The following NCAM1 variants were observed in gnomAD, a reference collection of about 807,000 sequenced individuals.
NCAM1 encodes the protein antigen recognized by monoclonal antibody 5.1H11.
In NCAM1, 14 loss-of-function variants were observed where a neutral mutation model predicts 109.8. The ratio of observed to expected loss-of-function variants is 0.13; its 90% CI spans 0.08 to 0.20. The LOEUF (loss-of-function observed/expected upper bound fraction) is 0.20. Among genes scored for constraint, NCAM1 ranks in the 10% least tolerant of loss-of-function variants. The pLI is 1.00. For missense variants in NCAM1, 774 were observed against 1,109.9 expected (o/e 0.70, Z 4.30); for synonymous variants, 418 against 442.9 (o/e 0.94, Z 0.70).
chr11:113,103,186 T>C (rs182033575), intron 1 of NCAM1, among the ~76,000 whole-genome samples: 38 of 152,346 alleles, frequency 2.5e-4, no homozygotes, highest in Admixed American at 1.8e-3. Flanking sequence ...TTATTTATTC[T>C]ATTTCCCTAG....
intron 1 of NCAM1, among the ~76,000 whole-genome samples, chr11:112,989,241 T>A (rs998671137): frequency 6.6e-6 from 1 of 152,166 alleles, no homozygotes; most frequent in East Asian, 1.9e-4. Flanking sequence ...CCATAACTTG[T>A]ATATTTGTAT....
intron 1 of NCAM1, among the ~76,000 whole-genome samples, chr11:113,110,724 C>T (rs1237542339): frequency 1.3e-5 from 2 of 152,140 alleles, no homozygotes; most frequent in African/African-American, 4.8e-5. Context: ...TTTAAATTTT[C>T]TAAAACGAAA....
chr11:113,111,449 T>A (rs968384737), intron 1 of NCAM1, among the ~76,000 whole-genome samples: 1 of 152,174 alleles, frequency 6.6e-6, no homozygotes, highest in Admixed American at 6.5e-5. Flanking sequence ...GTATGTATGA[T>A]GTTTGAGAAT....
intron 1 of NCAM1, among the ~76,000 whole-genome samples, chr11:113,004,185 A>G: frequency 6.6e-6 from 1 of 152,310 alleles, no homozygotes; most frequent in East Asian, 1.9e-4. Flanking sequence ...TTACACACAC[A>G]TATATACACT....
rs1236576458 is a variant in NCAM1 at position 113,233,975 on chromosome 11, G to A, written c.1693+658G>A. On this transcript the variant is annotated intron_variant, in intron 13 of 19. Coordinates refer to ENST00000316851, the MANE Select transcript of NCAM1 (RefSeq NM_181351.5). This position sits in a 1 kb window ranked among gnomAD's most constrained non-coding sequence, Gnocchi z 4.5. ...GTTTCTGTACAAATTTTTAATCCTG[G>A]TCTCGTATGTGGTAATTCGAGTGGA... 6.6e-6 allele frequency among the ~76,000 whole-genome samples: 1 copy of A among 152,120 alleles called. No homozygotes were observed. Among genetic ancestry groups the A allele is most frequent in the African/African-American group, 2.4e-5 (1 of 41,420 alleles).
intron 14 of NCAM1, chr11:113,242,836 A>T: frequency 6.2e-7 from 1 of 1,614,010 alleles, no homozygotes; most frequent in South Asian, 1.1e-5. Context: ...TTGCAACCAC[A>T]GAACCAGCTA....
intron 1 of NCAM1, among the ~76,000 whole-genome samples, chr11:112,970,195 A>ATT (rs1950839820): frequency 1.3e-5 from 2 of 152,038 alleles, no homozygotes; most frequent in Non-Finnish European, 2.9e-5. Context: ...AGAAATTAAA[A>ATT]ATATATATAT....
At chr11:113,185,007 A>G (rs1943456017) in intron 1 of NCAM1, among the ~76,000 whole-genome samples, 1 of 149,698 alleles carries the variant, frequency 6.7e-6, no homozygotes, top group African/African-American at 2.5e-5. Flanking sequence ...ATACACACAC[A>G]TGCATATAAG....
At chr11:113,193,084 G>A (rs1943734299) in intron 1 of NCAM1, among the ~76,000 whole-genome samples, 1 of 152,186 alleles carries the variant, frequency 6.6e-6, no homozygotes, top group East Asian at 1.9e-4. Flanking sequence ...TCCTGGCCTG[G>A]AATCTGGCCC....
chr11:113,207,397 C>G lies in NCAM1; in HGVS notation c.746+19C>G. 6.3e-7 allele frequency: 1 copy of G among 1,585,460 alleles called. No individual in the cohort carries two copies. Among genetic ancestry groups the G allele is most frequent in the Non-Finnish European group, 8.7e-7 (1 of 1,154,204 alleles). Reference sequence around the variant, plus strand: ...GGACAAAGTAAGAAACTGGCTCATACCTTTTATCATGGACTAGAGGAGAAT... The same window carrying G: ...GGACAAAGTAAGAAACTGGCTCATAGCTTTTATCATGGACTAGAGGAGAAT... On this transcript the variant is annotated intron_variant, in intron 6 of 19. Transcript: ENST00000316851.
chr11:113,124,599 C>A (rs533658002), intron 1 of NCAM1, among the ~76,000 whole-genome samples: 64 of 152,330 alleles, frequency 4.2e-4, no homozygotes, highest in African/African-American at 1.4e-3. Flanking sequence ...ATATGGGAAA[C>A]TGAGGTGTAT....
intron 1 of NCAM1, among the ~76,000 whole-genome samples, chr11:113,106,056 C>CT (rs1278573823): frequency 6.6e-6 from 1 of 152,070 alleles, no homozygotes; most frequent in East Asian, 1.9e-4. Context: ...CATTTATTTA[C>CT]TTTTTATTTG....
chr11:113,158,590 C>A (rs1471961325), intron 1 of NCAM1, among the ~76,000 whole-genome samples: 1 of 152,194 alleles, frequency 6.6e-6, no homozygotes, highest in African/African-American at 2.4e-5. Flanking sequence ...CTGTAATAAG[C>A]CAATCCCTGT....
chr11:113,271,978 C>A, intron 19 of NCAM1, 102 bp downstream of exon 19: 3 of 823,108 alleles, frequency 3.6e-6, no homozygotes, highest in Non-Finnish European at 5.6e-6. Flanking sequence ...AGCTCCCGGC[C>A]AAACAGTTCA....
At chr11:113,071,198 A>G (rs1386690256) in intron 1 of NCAM1, among the ~76,000 whole-genome samples, 3 of 152,200 alleles carry the variant, frequency 2.0e-5, no homozygotes, top group African/African-American at 7.2e-5. Context: ...GAAAAAGAGC[A>G]GGAATGTTAA....
Position 113,091,619 on chromosome 11 carries a change from G to A in NCAM1, c.53-110760G>A, listed in dbSNP as rs1003516769. ...AATTGTGTCCAGGGTTGATGCTGAG[G>A]ACAGTAAATAAGGCATGACTCATAA... On this transcript the variant is annotated intron_variant, in intron 1 of 19. Coordinates refer to ENST00000316851, the MANE Select transcript of NCAM1 (RefSeq NM_181351.5). 7.2e-5 allele frequency among the ~76,000 whole-genome samples: 11 copies of A among 152,174 alleles called. No homozygotes were observed. In the East Asian group the frequency reaches 1.5e-3, roughly 21 times the overall value.
chr11:113,149,169 G>A (rs1024755876), intron 1 of NCAM1, among the ~76,000 whole-genome samples: 2 of 152,170 alleles, frequency 1.3e-5, no homozygotes, highest in Admixed American at 6.5e-5. Context: ...TACCTCTGCT[G>A]GACCCGGGGT....
chr11:113,219,383 TA>T (rs1944622916), intron 8 of NCAM1, among the ~76,000 whole-genome samples: 1 of 152,234 alleles, frequency 6.6e-6, no homozygotes, highest in South Asian at 2.1e-4. Flanking sequence ...GGCACATGAA[TA>T]ATGGAATACC....
intron 1 of NCAM1, among the ~76,000 whole-genome samples, chr11:113,145,758 C>G (rs921184218): frequency 6.6e-6 from 1 of 151,342 alleles, no homozygotes; most frequent in Non-Finnish European, 1.5e-5. Context: ...CCCCACCCCA[C>G]CCCCACTTTC....
Sources: gnomAD v4.1 joint callset for allele counts (sites outside exome capture counted in the v4.1 genomes callset) on GRCh38, gnomAD v4.1.1 for gene constraint, Gnocchi (gnomAD v3.1) non-coding constraint, MANE v1.5 for transcripts, NCBI Gene and HGNC (gene_info 2026-07-23, HGNC 2026-07-21) for gene names.